TM9SF2: variants seen among roughly 807,000 people sequenced by gnomAD.
The protein encoded by TM9SF2 is 76 kDa membrane protein.
TM9SF2 carries 13 observed loss-of-function variants against 84.9 expected under a neutral mutation model. That is an observed-to-expected ratio of 0.15 (90% confidence interval 0.10 to 0.24). The LOEUF is 0.24. Among genes scored for constraint, TM9SF2 ranks in the 10% least tolerant of loss-of-function variants. The pLI, the probability that TM9SF2 is intolerant of heterozygous loss-of-function variation, is 1.00. For synonymous variants in TM9SF2, 273 were observed against 285.8 expected (o/e 0.96, Z 0.45); for missense variants, 562 against 818.5 (o/e 0.69, Z 3.82).
chr13:99,508,444 C>CACACACACACACACA (rs1555339315), intron 1 of TM9SF2, among the ~76,000 whole-genome samples: 5 of 143,502 alleles, frequency 3.5e-5, no homozygotes, highest in African/African-American at 5.2e-5. Flanking sequence ...CACACACACA[C>CACACACACACACACA]CCCAGAGATT....
chr13:99,550,775 TA>T (rs961410746), intron 12 of TM9SF2, among the ~76,000 whole-genome samples: 2 of 152,108 alleles, frequency 1.3e-5, no homozygotes, highest in African/African-American at 2.4e-5. Flanking sequence ...TTTCAGGTTT[TA>T]AAAAAAATTT....
chr13:99,536,293 T>G (rs2046233746), intron 4 of TM9SF2, among the ~76,000 whole-genome samples: 1 of 151,466 alleles, frequency 6.6e-6, no homozygotes, highest in African/African-American at 2.4e-5. Flanking sequence ...GTACGAAGTT[T>G]TTTTTGTTTT....
At chr13:99,513,018 AAG>A (rs927769317) in intron 1 of TM9SF2, among the ~76,000 whole-genome samples, 4 of 152,240 alleles carry the variant, frequency 2.6e-5, no homozygotes, top group African/African-American at 9.6e-5. Flanking sequence ...AGACAGCAAA[AAG>A]TAAATTAATT....
At chr13:99,523,417 C>T (rs1336857285) in intron 3 of TM9SF2, among the ~76,000 whole-genome samples, 3 of 152,172 alleles carry the variant, frequency 2.0e-5, no homozygotes, top group African/African-American at 7.2e-5. Flanking sequence ...ACCCAAAGTT[C>T]TGGGATTATA....
chr13:99,503,732 A>AAAAT (rs1491280305), intron 1 of TM9SF2, among the ~76,000 whole-genome samples: 1 of 146,192 alleles, frequency 6.8e-6, no homozygotes. Flanking sequence ...AAAAAAAAAA[A>AAAAT]GAAGAAGAAG....
chr13:99,523,705 A>G (rs7998855), intron 3 of TM9SF2, among the ~76,000 whole-genome samples: 1 of 152,192 alleles, frequency 6.6e-6, no homozygotes, highest in African/African-American at 2.4e-5. Context: ...AGGCACTGTG[A>G]TGGGATACAG....
chr13:99,561,088 T>C (rs918110646), intron 16 of TM9SF2, among the ~76,000 whole-genome samples: 4 of 152,258 alleles, frequency 2.6e-5, no homozygotes, highest in East Asian at 1.9e-4. Context: ...CAGTAACTTA[T>C]AGTGTATTTC....
intron 4 of TM9SF2, among the ~76,000 whole-genome samples, chr13:99,530,178 C>T (rs1479925903): frequency 2.0e-5 from 3 of 152,074 alleles, no homozygotes; most frequent in Non-Finnish European, 4.4e-5. Context: ...GTAATCCCAG[C>T]ACTTGGGAGG....
At chr13:99,548,941 C>T (rs1419834131) in intron 11 of TM9SF2, among the ~76,000 whole-genome samples, 1 of 152,128 alleles carries the variant, frequency 6.6e-6, no homozygotes, top group African/African-American at 2.4e-5. Context: ...TGATGACTTG[C>T]CTCTGATTCT....
intron 1 of TM9SF2, among the ~76,000 whole-genome samples, chr13:99,517,315 G>A (rs1442664728): frequency 1.3e-5 from 2 of 152,068 alleles, no homozygotes; most frequent in Admixed American, 6.5e-5. Flanking sequence ...TTGTAGGAAC[G>A]GGGTCTCGCT....
At chr13:99,539,021 T>A (rs560744167) in intron 6 of TM9SF2, among the ~76,000 whole-genome samples, 1 of 151,690 alleles carries the variant, frequency 6.6e-6, no homozygotes, top group South Asian at 2.1e-4. Context: ...CTGGGCAACA[T>A]AGCAAGACCT....
intron 10 of TM9SF2, among the ~76,000 whole-genome samples, chr13:99,546,009 C>T (rs2046280964): frequency 6.6e-6 from 1 of 152,168 alleles, no homozygotes; most frequent in South Asian, 2.1e-4. Context: ...TCCTTAAGTC[C>T]TCAAATAGGA....
At chr13:99,540,419 T>A in intron 7 of TM9SF2, 1 of 169,900 alleles carries the variant, frequency 5.9e-6, no homozygotes, top group Non-Finnish European at 1.2e-5. Context: ...AAAACCTACA[T>A]ATAGGTCTAA....
intron 8 of TM9SF2, 88 bp from the exon 9 acceptor site, chr13:99,541,471 T>A: frequency 1.1e-6 from 1 of 895,518 alleles, no homozygotes; most frequent in Non-Finnish European, 1.7e-6. Context: ...AAGACTGTTT[T>A]AATGTTACTC....
intron 4 of TM9SF2, among the ~76,000 whole-genome samples, chr13:99,530,771 CCA>C (rs1233624814): frequency 3.3e-5 from 5 of 152,162 alleles, no homozygotes; most frequent in African/African-American, 1.2e-4. Context: ...AAATTCTGTA[CCA>C]GTTTGTATCA....
intron 1 of TM9SF2, among the ~76,000 whole-genome samples, chr13:99,511,860 A>G (rs1300936513): frequency 6.6e-6 from 1 of 152,252 alleles, no homozygotes; most frequent in African/African-American, 2.4e-5. Flanking sequence ...AAGTTACGGT[A>G]GCAACAGTTG....
chr13:99,529,707 C>T, intron 4 of TM9SF2, 113 bp downstream of exon 4: 1 of 1,205,260 alleles, frequency 8.3e-7, no homozygotes, highest in Non-Finnish European at 1.1e-6. Flanking sequence ...AATTGATTTC[C>T]TTTTTTTTGT....
chr13:99,526,396 G>A (rs2046183671), intron 3 of TM9SF2, among the ~76,000 whole-genome samples: 1 of 152,244 alleles, frequency 6.6e-6, no homozygotes, highest in African/African-American at 2.4e-5. Flanking sequence ...ATCTTTGGAT[G>A]TTATGAAAGA....
intron 1 of TM9SF2, 72 bp downstream of exon 1, chr13:99,501,849 C>A: frequency 6.5e-7 from 1 of 1,541,176 alleles, no homozygotes; most frequent in Non-Finnish European, 8.7e-7. Flanking sequence ...GGGAGCTGAT[C>A]CTCGGGTGGG....
Sources: allele counts gnomAD v4.1 joint callset (sites outside exome capture counted in the v4.1 genomes callset), GRCh38; gene constraint gnomAD v4.1.1; transcripts MANE v1.5; gene names NCBI Gene and HGNC (gene_info 2026-07-23, HGNC 2026-07-21).